SEPTIN9: variants seen among roughly 807,000 people sequenced by gnomAD.
The protein encoded by SEPTIN9 is septin-9.
In SEPTIN9, 13 loss-of-function variants were observed where a neutral mutation model predicts 56.6. That is an observed-to-expected ratio of 0.23 (90% confidence interval 0.15 to 0.37). The LOEUF (loss-of-function observed/expected upper bound fraction) is 0.37, where lower values mean the gene tolerates loss of function less well. SEPTIN9 is among the 10% of genes least tolerant of loss of function. The pLI, the probability that SEPTIN9 is intolerant of heterozygous loss-of-function variation, is 1.00. For synonymous variants in SEPTIN9, 332 were observed against 334.1 expected, an observed-to-expected ratio of 0.99 and a Z score of 0.07; for missense variants, 650 against 823.1, an observed-to-expected ratio of 0.79 and a Z score of 2.57.
chr17:77,336,777 A>G (rs116207626), intron 2 of SEPTIN9, among the ~76,000 whole-genome samples: 263 of 152,208 alleles, frequency 1.7e-3, no homozygotes, highest in African/African-American at 6.1e-3. Flanking sequence ...TGATTAGTGG[A>G]CATCCTTGCC....
rs1452809005 is a variant in SEPTIN9 at position 77,371,082 on chromosome 17, C to A, written c.77-30977C>A. Among the ~76,000 whole-genome samples, 1 of 152,184 alleles carries A rather than the reference C, an allele frequency of 6.6e-6. No individual in the cohort carries two copies. The highest frequency in any genetic ancestry group is 1.5e-5 in the Non-Finnish European group (1 of 68,040). ...GCAGTTGGTTAGATACGAGGGTGAACTTCCTGGCTGGGAGTATGGCCAAGC... is the reference window on the plus strand; with the variant it reads ...GCAGTTGGTTAGATACGAGGGTGAAATTCCTGGCTGGGAGTATGGCCAAGC... On this transcript the variant is annotated intron_variant, in intron 2 of 11. Transcript: ENST00000427177. The surrounding 1 kb of genome is among the most constrained non-coding windows in gnomAD (Gnocchi z 4.1).
intron 4 of SEPTIN9, among the ~76,000 whole-genome samples, chr17:77,484,387 TG>T (rs1954624442): frequency 6.7e-6 from 1 of 149,600 alleles, no homozygotes; most frequent in Non-Finnish European, 1.5e-5. Context: ...ATGGTGGTGG[TG>T]GTGATGGTGA....
At chr17:77,290,951 G>C (rs180874960) in intron 1 of SEPTIN9, among the ~76,000 whole-genome samples, 205 of 150,510 alleles carry the variant, frequency 1.4e-3, no homozygotes, top group African/African-American at 5.0e-3. Flanking sequence ...TCCCAGTCTC[G>C]ACCTCCCAGT....
In SEPTIN9 at chr17:77,330,108, C is replaced by G. The variant is rs2033291777; in HGVS notation, c.76+22911C>G. ...CAAGACTAGCCTCCCAGCCACTCTC[C>G]CTGCCTCCTGCCTCCTCTCCTTCGG... is the stretch of plus-strand genomic sequence containing the variant. On this transcript the variant is annotated intron_variant, in intron 2 of 11. Coordinates refer to ENST00000427177, the MANE Select transcript of SEPTIN9 (RefSeq NM_001113491.2). The surrounding 1 kb of genome is among the most constrained non-coding windows in gnomAD (Gnocchi z 4.4). Among the ~76,000 whole-genome samples the G allele has an allele frequency of 6.6e-6, 1 of 152,254 alleles. No homozygotes were observed. Among genetic ancestry groups the G allele is most frequent in the South Asian group, 2.1e-4 (1 of 4,834 alleles).
chr17:77,373,791 C>T lies in SEPTIN9; in HGVS notation c.77-28268C>T, dbSNP rs1598271448. The T allele has an allele frequency of 1.4e-5, 9 of 636,474 alleles. No homozygotes were observed. In the East Asian group the frequency reaches 3.2e-4, roughly 22 times the overall value. 39.4% of individuals were successfully genotyped at this position (636,474 alleles called of 1,614,324 possible). A position where few individuals can be genotyped will look rare whatever the true frequency, so the allele number is the denominator to read the frequency against. On this transcript the variant is annotated intron_variant, in intron 2 of 11. Coordinates refer to ENST00000427177, the MANE Select transcript of SEPTIN9 (RefSeq NM_001113491.2). ...TAGACCCTGCGCGCCCTCACAGGAC[C>T]CTGTGCTCGTTCTGCGCACTGCCGC...
rs1467379345 is a variant in SEPTIN9, at chr17:77,449,469, A to G, written c.722-32675A>G. ...GAGAGCAGGGTCTTGGGCCCTGGGAAAAGCCTGGGGGGCCAGAAAGCTGGG... is the reference window on the plus strand; with the variant it reads ...GAGAGCAGGGTCTTGGGCCCTGGGAGAAGCCTGGGGGGCCAGAAAGCTGGG... On this transcript the variant is annotated intron_variant, in intron 3 of 11. Coordinates refer to ENST00000427177, the MANE Select transcript of SEPTIN9 (RefSeq NM_001113491.2). This position sits in a 1 kb window ranked among gnomAD's most constrained non-coding sequence, Gnocchi z 4.6. Among the ~76,000 whole-genome samples the G allele has an allele frequency of 6.6e-6, 1 of 152,152 alleles. No homozygotes were observed. Among genetic ancestry groups the G allele is most frequent in the Non-Finnish European group, 1.5e-5 (1 of 68,042 alleles).
rs1020783485 is a variant in SEPTIN9 at position 77,389,298 on chromosome 17, C to T, written c.77-12761C>T. Among the ~76,000 whole-genome samples, 5 of 151,778 alleles carry T rather than the reference C, an allele frequency of 3.3e-5. No homozygotes were observed. Among genetic ancestry groups the T allele is most frequent in the Non-Finnish European group, 7.4e-5 (5 of 67,886 alleles). ...CGCGGTAGGCTGAGGAGGTGGCTGG[C>T]GACCCTGTGGTGGGGACGAGGGGGC... On this transcript the variant is annotated intron_variant, in intron 2 of 11. Coordinates refer to ENST00000427177, the MANE Select transcript of SEPTIN9 (RefSeq NM_001113491.2). The surrounding 1 kb of genome is among the most constrained non-coding windows in gnomAD (Gnocchi z 4.3).
intron 3 of SEPTIN9, among the ~76,000 whole-genome samples, chr17:77,413,483 G>A (rs1057275299): frequency 4.6e-5 from 7 of 152,180 alleles, no homozygotes; most frequent in African/African-American, 1.7e-4. Context: ...CGCGGTGATT[G>A]ACATGATTGA....
At chr17:77,488,885 C>A in intron 7 of SEPTIN9, 21 bp downstream of exon 7, 1 of 1,612,050 alleles carries the variant, frequency 6.2e-7, no homozygotes, top group Non-Finnish European at 8.5e-7. Flanking sequence ...GCAGTGTCGG[C>A]GTCCTCATGC....
chr17:77,395,555 G>A (rs999194045), intron 2 of SEPTIN9, among the ~76,000 whole-genome samples: 4 of 150,362 alleles, frequency 2.7e-5, no homozygotes, highest in Non-Finnish European at 5.9e-5. Flanking sequence ...GAACAATATC[G>A]ATGGTTTTAT....
At chr17:77,384,967 C>T (rs967854701) in intron 2 of SEPTIN9, among the ~76,000 whole-genome samples, 1 of 151,880 alleles carries the variant, frequency 6.6e-6, no homozygotes, top group African/African-American at 2.4e-5. Context: ...GATTTTTTCC[C>T]TTTGTTTTTG....
chr17:77,300,743 C>A (rs1390585429), intron 1 of SEPTIN9, among the ~76,000 whole-genome samples: 1 of 109,518 alleles, frequency 9.1e-6, no homozygotes, highest in African/African-American at 3.7e-5. Context: ...CCCATCCCAG[C>A]TCAAACCGCC....
In SEPTIN9 at chr17:77,451,681, G is replaced by A. The variant is rs1034104557; in HGVS notation, c.722-30463G>A. ...CGGCCCGAGGCCGGCAGGACCGAGCGGGGTCCCCAGGAGAGGGGTGGCGGG... is the reference window on the plus strand; with the variant it reads ...CGGCCCGAGGCCGGCAGGACCGAGCAGGGTCCCCAGGAGAGGGGTGGCGGG... On this transcript the variant is annotated intron_variant, in intron 3 of 11. Transcript: ENST00000427177. This position sits in a 1 kb window ranked among gnomAD's most constrained non-coding sequence, Gnocchi z 4.2. 1.3e-5 allele frequency among the ~76,000 whole-genome samples: 2 copies of A among 152,214 alleles called. No individual in the cohort carries two copies. The highest frequency in any genetic ancestry group is 2.9e-5 in the Non-Finnish European group (2 of 68,040).
chr17:77,429,119 G>A lies in SEPTIN9; in HGVS notation c.721+26416G>A. 2.1e-6 allele frequency: 1 copy of A among 471,652 alleles called. No individual in the cohort carries two copies. The highest frequency in any genetic ancestry group is 4.4e-6 in the Non-Finnish European group (1 of 227,184). 29.2% of individuals were successfully genotyped at this position (471,652 alleles called of 1,614,324 possible). The stretch of plus-strand genomic sequence containing the variant: ...GCTCCGTGTCCTCCGGTGTGTGTGA[G>A]GCCAAGCTCCTGGGGTGGGGACTTG... On this transcript the variant is annotated intron_variant, in intron 3 of 11. Transcript: ENST00000427177. This position sits in a 1 kb window ranked among gnomAD's most constrained non-coding sequence, Gnocchi z 5.2.
intron 1 of SEPTIN9, among the ~76,000 whole-genome samples, chr17:77,306,537 G>C (rs555046455): frequency 4.6e-5 from 7 of 152,250 alleles, no homozygotes; most frequent in Non-Finnish European, 1.0e-4. Context: ...GCCGCGGGAG[G>C]CTGCATTAAT....
chr17:77,420,837 CACA>C (rs1479754162), intron 3 of SEPTIN9, among the ~76,000 whole-genome samples: 1 of 152,208 alleles, frequency 6.6e-6, no homozygotes, highest in Non-Finnish European at 1.5e-5. Flanking sequence ...AGTATGTGGT[CACA>C]ACAACGGTCC....
At chr17:77,439,063 A>C (rs532990891) in intron 3 of SEPTIN9, among the ~76,000 whole-genome samples, 1 of 151,738 alleles carries the variant, frequency 6.6e-6, no homozygotes, top group South Asian at 2.1e-4. Context: ...GCTGAAGGAG[A>C]CTTTGGGGGG....
intron 2 of SEPTIN9, among the ~76,000 whole-genome samples, chr17:77,392,478 C>G (rs35606313): frequency 0.07 from 10,634 of 152,210 alleles, 510 homozygotes; most frequent in Admixed American, 0.12. Context: ...GATGATGACC[C>G]CAGGTCCCAG....
intron 2 of SEPTIN9, among the ~76,000 whole-genome samples, chr17:77,357,782 A>G (rs572863195): frequency 4.6e-5 from 7 of 152,094 alleles, no homozygotes; most frequent in African/African-American, 1.7e-4. Flanking sequence ...ACCCAGCTTC[A>G]TTTTCAAAAT....
Sources: allele counts gnomAD v4.1 joint callset (sites outside exome capture counted in the v4.1 genomes callset), GRCh38; gene constraint gnomAD v4.1.1; non-coding constraint Gnocchi (gnomAD v3.1); transcripts MANE v1.5; gene names NCBI Gene and HGNC (gene_info 2026-07-23, HGNC 2026-07-21).